The following GRTP1 variants were observed in gnomAD, a reference collection of about 807,000 sequenced individuals.
GRTP1 encodes growth hormone-regulated TBC protein 1.
Under a neutral mutation model 38.1 loss-of-function variants are expected in GRTP1, and 56 were observed. The observed-to-expected ratio is 1.47, with a 90% confidence interval of 1.19 to 1.84. GRTP1 has a LOEUF of 1.84. Among genes scored for constraint, GRTP1 ranks in the 40% most tolerant of loss-of-function variants. The probability of loss-of-function intolerance (pLI) is 0.00; values close to 1 mark genes in which losing one functional copy is unlikely to be tolerated. For synonymous variants in GRTP1, 217 were observed against 189.5 expected (o/e 1.14, Z -1.19); for missense variants, 506 against 453.9 (o/e 1.11, Z -1.04).
intron 7 of GRTP1, chr13:113,325,358 G>C (rs2042743972): frequency 1.4e-6 from 2 of 1,426,658 alleles, no homozygotes; most frequent in African/African-American, 2.9e-5. Context: ...CCAGGACCCA[G>C]TGGGGAGGCC....
intron 2 of GRTP1, among the ~76,000 whole-genome samples, chr13:113,357,871 C>T (rs1238658395): frequency 1.3e-5 from 2 of 152,110 alleles, no homozygotes; most frequent in African/African-American, 4.8e-5. Flanking sequence ...ATAATGAACA[C>T]CTGGAAATCA....
chr13:113,354,428 TA>T (rs2043341940), intron 3 of GRTP1, among the ~76,000 whole-genome samples: 1 of 152,224 alleles, frequency 6.6e-6, no homozygotes. Context: ...CTGGGTTTTT[TA>T]AAATTAAGTA....
At chr13:113,330,764 G>A (rs78866742) in intron 5 of GRTP1, among the ~76,000 whole-genome samples, 145 of 154 alleles carry the variant, frequency 0.94, 69 homozygotes, top group South Asian at 1. Flanking sequence ...AGGTGTGTGC[G>A]TGGAAACTCA....
At chr13:113,337,435 C>T (rs181923447) in intron 5 of GRTP1, among the ~76,000 whole-genome samples, 4 of 152,314 alleles carry the variant, frequency 2.6e-5, no homozygotes, top group African/African-American at 4.8e-5. Flanking sequence ...TAGCATACAA[C>T]TCAATTAAAC....
chr13:113,331,330 A>C (rs185576954), intron 5 of GRTP1, among the ~76,000 whole-genome samples: 194 of 152,306 alleles, frequency 1.3e-3, no homozygotes, highest in Non-Finnish European at 1.8e-3. Context: ...TTGGGGGCTC[A>C]GGGGCGGCTG....
At chr13:113,333,755 T>C (rs2042909065) in intron 5 of GRTP1, among the ~76,000 whole-genome samples, 1 of 151,866 alleles carries the variant, frequency 6.6e-6, no homozygotes, top group African/African-American at 2.4e-5. Flanking sequence ...ACTCCCAAAA[T>C]GCTGGGATTA....
intron 5 of GRTP1, among the ~76,000 whole-genome samples, chr13:113,326,616 G>A (rs1380874711): frequency 2.0e-5 from 3 of 150,392 alleles, no homozygotes; most frequent in Admixed American, 6.6e-5. Flanking sequence ...GGTTGCAGTG[G>A]GCCGAGATCA....
Position 113,325,751 on chromosome 13 carries a change from A to C in GRTP1, c.831T>G (p.Ile277Met). 1 of 1,614,182 alleles carries C rather than the reference A, an allele frequency of 6.2e-7. No homozygotes were observed. Among genetic ancestry groups the C allele is most frequent in the Non-Finnish European group, 8.5e-7 (1 of 1,180,016 alleles). The change falls in exon 7 of 8, where the codon ATT becomes ATG. Residue 277 changes from isoleucine (I) to methionine (M), a missense_variant. Transcript: ENST00000375431. ...LTLIKQHQEL[I>M]LEATSVPDIC... ...TGTCTGGAACGCTGGTGGCTTCCAAAATCAACTCCTGGTGCTGCTTAATTA... is the reference window on the plus strand; with the variant it reads ...TGTCTGGAACGCTGGTGGCTTCCAACATCAACTCCTGGTGCTGCTTAATTA...
intron 5 of GRTP1, among the ~76,000 whole-genome samples, chr13:113,341,831 T>G (rs7329527): frequency 0.85 from 129,583 of 152,134 alleles, 56,278 homozygotes; most frequent in East Asian, 1. Context: ...TTTTTATTTT[T>G]AGAGATGGGA....
rs760267772 is a variant in GRTP1 at position 113,355,415 on chromosome 13, C to T, written c.248G>A (p.Gly83Glu). The part of the protein sequence containing the change: ...HRARVWMVLS[G>E]AQAQMDQNPG... ...ATTCTGGTCCATCTGCGCCTGGGCC[C>T]CACTCAGCACCATCCAGACGCGGGC... Residue 83 changes from glycine (G) to glutamate (E), a missense_variant, in exon 3 of 8, where the codon GGG becomes GAG. Transcript: ENST00000375431. 5.0e-6 allele frequency: 8 copies of T among 1,613,978 alleles called. No individual in the cohort carries two copies. In the Admixed American group the frequency reaches 8.3e-5, roughly 17 times the overall value.
At chr13:113,326,968 G>A (rs35086362) in intron 5 of GRTP1, among the ~76,000 whole-genome samples, 6,367 of 152,308 alleles carry the variant, frequency 0.042, 186 homozygotes, top group Middle Eastern at 0.095. Context: ...ACACAGAGAG[G>A]TAAGCGGCCC....
chr13:113,331,804 C>T (rs1169847224), intron 5 of GRTP1, among the ~76,000 whole-genome samples: 1 of 150,826 alleles, frequency 6.6e-6, no homozygotes, highest in Non-Finnish European at 1.5e-5. Context: ...CACAGGCATC[C>T]GACACCAGGC....
chr13:113,355,414 C>T lies in GRTP1; in HGVS notation c.249G>A (p.Gly83=), dbSNP rs954106835. 1.9e-6 allele frequency: 3 copies of T among 1,614,112 alleles called. No individual in the cohort carries two copies. Among genetic ancestry groups the T allele is most frequent in the Non-Finnish European group, 2.5e-6 (3 of 1,180,008 alleles). ...HRARVWMVLS[G]AQAQMDQNPG... ...GATTCTGGTCCATCTGCGCCTGGGCCCCACTCAGCACCATCCAGACGCGGG... is the reference window on the plus strand; with the variant it reads ...GATTCTGGTCCATCTGCGCCTGGGCTCCACTCAGCACCATCCAGACGCGGG... The change falls in exon 3 of 8, where the codon GGG becomes GGA. Residue 83 remains glycine (G), a synonymous_variant. Coordinates refer to ENST00000375431, the MANE Select transcript of GRTP1 (RefSeq NM_024719.4).
At chr13:113,363,485 G>A (rs2043537688) in intron 2 of GRTP1, among the ~76,000 whole-genome samples, 3 of 152,094 alleles carry the variant, frequency 2.0e-5, no homozygotes, top group African/African-American at 7.2e-5. Flanking sequence ...GATTACAGGC[G>A]TGAGCCACCG....
rs2139476981 is a variant in GRTP1, at chr13:113,347,479, G to GACCCAGGAGC, written c.466-2521_466-2520insGCTCCTGGGT. 3.2e-5 allele frequency among the ~76,000 whole-genome samples: 2 copies of GACCCAGGAGC among 61,880 alleles called. 1 individual carries two copies. The highest frequency in any genetic ancestry group is 7.2e-5 in the Non-Finnish European group (2 of 27,688). 40.6% of individuals were successfully genotyped at this position (61,880 alleles called of 152,430 possible). ...AGGAGGATCTCTGTGGCCGAGAGCAGACCTGGGAGGACCTCTGTGGCCGAG... is the reference window on the plus strand; with the variant it reads ...AGGAGGATCTCTGTGGCCGAGAGCAGACCCAGGAGCACCTGGGAGGACCTCTGTGGCCGAG... On this transcript the variant is annotated intron_variant, in intron 4 of 7. Transcript: ENST00000375431.
At position 113,364,102 on chromosome 13, in the gene GRTP1, T is replaced by A; in HGVS notation, c.-51A>T. ...GAGGCCAGCGGGTCCCAAGTTCGCC[T>A]CCCGGCTCCGGGGCGCTTAAGTCCT... On this transcript the variant is annotated 5_prime_UTR_variant, in exon 1 of 8. Transcript: ENST00000375431. 8.2e-7 allele frequency: 1 copy of A among 1,216,962 alleles called. No individual in the cohort carries two copies. Among genetic ancestry groups the A allele is most frequent in the Non-Finnish European group, 1.0e-6 (1 of 985,790 alleles). The allele number at this position is 1,216,962 out of a possible 1,614,324, so 75.4% of individuals were successfully genotyped here.
intron 7 of GRTP1, chr13:113,325,408 G>C: frequency 6.9e-7 from 1 of 1,438,860 alleles, no homozygotes; most frequent in Non-Finnish European, 9.1e-7. Context: ...ACACACAGCA[G>C]ATGAGTACAG....
chr13:113,352,337 T>TTATATATATATTTATCTATATTTTATA (rs2043296173), intron 3 of GRTP1, among the ~76,000 whole-genome samples: 1 of 51,558 alleles, frequency 1.9e-5, no homozygotes, highest in Non-Finnish European at 3.8e-5. Flanking sequence ...TATATATATT[T>TTATATATATATTTATCTATATTTTATA]TATATATATA....
chr13:113,326,068 C>A lies in GRTP1; in HGVS notation c.586G>T (p.Gly196Cys), dbSNP rs748801911. The A allele has an allele frequency of 2.5e-6, 4 of 1,610,884 alleles. No individual in the cohort carries two copies. The African/African-American group carries it at 5.3e-5, about 22-fold the overall frequency. ...AGGACCTCCTGGTCGGTCTTCAGGC[C>A]CAGCATGGCCGGGCTGTAGTAATCT... Reference protein sequence around the residue: ...LPDYYSPAMLGLKTDQEVLGE... With the variant: ...LPDYYSPAMLCLKTDQEVLGE... The change falls in exon 6 of 8, where the codon GGC (glycine) becomes TGC (cysteine). Residue 196 changes from glycine (G) to cysteine (C), a missense_variant. Transcript: ENST00000375431.
Sources: gnomAD v4.1 joint callset for allele counts (sites outside exome capture counted in the v4.1 genomes callset) on GRCh38, gnomAD v4.1.1 for gene constraint, MANE v1.5 for transcripts, NCBI Gene and HGNC (gene_info 2026-07-23, HGNC 2026-07-21) for gene names.